FHIT: variants seen among roughly 807,000 people sequenced by gnomAD.
FHIT encodes fragile histidine triad diadenosine triphosphatase.
Under a neutral mutation model 17.9 loss-of-function variants are expected in FHIT, and 19 were observed. That is an observed-to-expected ratio of 1.06 (90% CI 0.74 to 1.56). The LOEUF (loss-of-function observed/expected upper bound fraction) is 1.56, where lower values mean the gene tolerates loss of function less well. Among genes scored for constraint, FHIT ranks in the 40% most tolerant of loss-of-function variants. FHIT has a pLI of 0.00. For synonymous variants in FHIT, 81 were observed against 69.7 expected (o/e 1.16, Z -0.81); for missense variants, 248 against 189.2 (o/e 1.31, Z -1.82).
At chr3:61,044,541 CA>C (rs1293099382) in intron 2 of FHIT, among the ~76,000 whole-genome samples, 1 of 151,916 alleles carries the variant, frequency 6.6e-6, no homozygotes, top group Non-Finnish European at 1.5e-5. Context: ...AGAATGGAAC[CA>C]AGTTGGAAAA....
chr3:60,541,545 T>C (rs531774397), intron 4 of FHIT, among the ~76,000 whole-genome samples: 1 of 152,274 alleles, frequency 6.6e-6, no homozygotes, highest in East Asian at 1.9e-4. Context: ...GCACCCATAG[T>C]CCTTTGACAT....
chr3:60,643,619 C>T (rs781891344), intron 4 of FHIT, among the ~76,000 whole-genome samples: 5 of 152,114 alleles, frequency 3.3e-5, no homozygotes, highest in South Asian at 2.1e-4. Context: ...AGATGCTGTA[C>T]GCAGATGGTC....
At chr3:60,526,605 A>G (rs2035584393) in intron 5 of FHIT, among the ~76,000 whole-genome samples, 1 of 152,150 alleles carries the variant, frequency 6.6e-6, no homozygotes, top group Non-Finnish European at 1.5e-5. Context: ...TTGCTCTGCT[A>G]CTACAGGCCT....
At chr3:59,862,192 G>A (rs923763298) in intron 8 of FHIT, among the ~76,000 whole-genome samples, 5 of 152,208 alleles carry the variant, frequency 3.3e-5, no homozygotes, top group African/African-American at 1.2e-4. Flanking sequence ...TCACAATCAT[G>A]GTGAAAGGCA....
intron 5 of FHIT, among the ~76,000 whole-genome samples, chr3:60,423,899 C>A (rs554249883): frequency 9.2e-5 from 14 of 152,196 alleles, no homozygotes; most frequent in Admixed American, 3.3e-4. Flanking sequence ...TTTCCCCCAC[C>A]TTTTCTCTTC....
At chr3:59,821,678 C>T (rs1300115193) in intron 8 of FHIT, among the ~76,000 whole-genome samples, 3 of 152,180 alleles carry the variant, frequency 2.0e-5, no homozygotes, top group Non-Finnish European at 4.4e-5. Context: ...GATGCCCCAC[C>T]ATGTGCCAGC....
intron 4 of FHIT, among the ~76,000 whole-genome samples, chr3:60,724,656 TTTTG>T (rs2041878745): frequency 7.1e-6 from 1 of 141,132 alleles, no homozygotes; most frequent in Non-Finnish European, 1.5e-5. Flanking sequence ...TGTTTTTTTT[TTTTG>T]TTTTTTTTTT....
intron 3 of FHIT, among the ~76,000 whole-genome samples, chr3:60,895,726 CTTT>C (rs1553761782): frequency 2.4e-5 from 2 of 82,768 alleles, no homozygotes; most frequent in Non-Finnish European, 5.8e-5. Flanking sequence ...TTCTTTCTTT[CTTT>C]CTTTCTTCTT....
intron 5 of FHIT, among the ~76,000 whole-genome samples, chr3:60,032,381 G>C (rs931373356): frequency 6.6e-6 from 1 of 151,962 alleles, no homozygotes; most frequent in Non-Finnish European, 1.5e-5. Context: ...GAGCCTAGGA[G>C]TTCAAAGTTG....
At chr3:60,446,005 T>C (rs768766381) in intron 5 of FHIT, among the ~76,000 whole-genome samples, 2 of 152,020 alleles carry the variant, frequency 1.3e-5, no homozygotes, top group African/African-American at 2.4e-5. Flanking sequence ...CTAGAAAAAA[T>C]AGACCTGCTT....
intron 5 of FHIT, among the ~76,000 whole-genome samples, chr3:60,014,698 T>C (rs1276789830): frequency 6.6e-6 from 1 of 152,234 alleles, no homozygotes; most frequent in Non-Finnish European, 1.5e-5. Context: ...TACAGTGAAC[T>C]TTATCCATAA....
chr3:59,931,651 G>A (rs1705975918), intron 7 of FHIT, among the ~76,000 whole-genome samples: 1 of 151,500 alleles, frequency 6.6e-6, no homozygotes, highest in South Asian at 2.1e-4. Flanking sequence ...AAACTTCGAG[G>A]AAAAAAATAA....
chr3:60,236,446 C>T (rs1704800426), intron 5 of FHIT, among the ~76,000 whole-genome samples: 1 of 152,090 alleles, frequency 6.6e-6, no homozygotes, highest in South Asian at 2.1e-4. Context: ...CCACTACTAC[C>T]CTTCCATTCT....
intron 5 of FHIT, among the ~76,000 whole-genome samples, chr3:60,088,761 G>T (rs1703606283): frequency 1.3e-5 from 2 of 150,268 alleles, no homozygotes; most frequent in South Asian, 4.3e-4. Context: ...TTTAGCATTT[G>T]CTGCATATGT....
At chr3:60,720,500 C>T (rs1342208847) in intron 4 of FHIT, among the ~76,000 whole-genome samples, 1 of 152,146 alleles carries the variant, frequency 6.6e-6, no homozygotes, top group African/African-American at 2.4e-5. Context: ...TAATGCAGTA[C>T]CAATGGTAAT....
intron 4 of FHIT, among the ~76,000 whole-genome samples, chr3:60,790,697 G>A (rs1416768684): frequency 1.3e-5 from 2 of 152,182 alleles, no homozygotes; most frequent in African/African-American, 4.8e-5. Context: ...TTTTAGGAGA[G>A]TGAAACTATT....
At chr3:60,679,641 A>T (rs1213078136) in intron 4 of FHIT, among the ~76,000 whole-genome samples, 1 of 152,122 alleles carries the variant, frequency 6.6e-6, no homozygotes, top group Non-Finnish European at 1.5e-5. Flanking sequence ...TAATTATTCT[A>T]TAAATACTAT....
At chr3:61,216,245 T>C (rs921643739) in intron 1 of FHIT, among the ~76,000 whole-genome samples, 43 of 152,124 alleles carry the variant, frequency 2.8e-4, no homozygotes, top group Admixed American at 2.7e-3. Flanking sequence ...ACCTACTCAT[T>C]TGACAAAGGG....
rs1344931835 is a variant in FHIT, at chr3:60,114,064, T to G, written c.104-99912A>C. 3.2e-5 allele frequency among the ~76,000 whole-genome samples: 3 copies of G among 94,912 alleles called. 1 individual carries two copies. The highest frequency in any genetic ancestry group is 1.1e-4 in the African/African-American group (3 of 26,148). 62.3% of individuals were successfully genotyped at this position (94,912 alleles called of 152,430 possible). ...ATATATATATATATATATATATATA[T>G]ATATATATAATGTTATATGTATCTT... On this transcript the variant is annotated intron_variant, in intron 5 of 9. Coordinates refer to ENST00000492590, the MANE Select transcript of FHIT (RefSeq NM_002012.4).
Sources: allele counts gnomAD v4.1 joint callset (sites outside exome capture counted in the v4.1 genomes callset), GRCh38; gene constraint gnomAD v4.1.1; transcripts MANE v1.5; gene names NCBI Gene and HGNC (gene_info 2026-07-23, HGNC 2026-07-21).